SCUBE2: variants seen among roughly 807,000 people sequenced by gnomAD.
SCUBE2 encodes signal peptide, CUB domain and EGF like domain containing 2, also known as signal peptide, CUB and EGF-like domain-containing protein 2.
A neutral mutation model predicts 125.9 loss-of-function variants in SCUBE2; 114 were observed. The ratio of observed to expected loss-of-function variants is 0.91; its 90% CI spans 0.78 to 1.06. The LOEUF (loss-of-function observed/expected upper bound fraction) is 1.06, where lower values mean the gene tolerates loss of function less well. Among genes scored for constraint, SCUBE2 ranks in the 50% least tolerant of loss-of-function variants. The pLI, the probability that SCUBE2 is intolerant of heterozygous loss-of-function variation, is 0.00. For missense variants in SCUBE2, 1,255 were observed against 1,301.8 expected (o/e 0.96, Z 0.55); for synonymous variants, 459 against 492.9 (o/e 0.93, Z 0.91).
intron 2 of SCUBE2, among the ~76,000 whole-genome samples, chr11:9,085,417 T>A (rs115935685): frequency 0.035 from 5,330 of 152,256 alleles, 318 homozygotes; most frequent in African/African-American, 0.12. Flanking sequence ...TATGTCCAAA[T>A]AAAAAGTTTT....
intron 16 of SCUBE2, among the ~76,000 whole-genome samples, chr11:9,037,352 C>A (rs555887930): frequency 2.0e-5 from 3 of 152,144 alleles, no homozygotes; most frequent in Non-Finnish European, 4.4e-5. Flanking sequence ...AAAAAAGATA[C>A]GAGAAAGCTT....
chr11:9,091,413 G>A lies in SCUBE2; in HGVS notation c.116C>T (p.Ala39Val). 4 of 1,314,880 alleles carry A rather than the reference G, an allele frequency of 3.0e-6. No homozygotes were observed. Among genetic ancestry groups the A allele is most frequent in the South Asian group, 2.1e-5 (1 of 47,004 alleles). The allele number at this position is 1,314,880 out of a possible 1,614,324, so 81.5% of individuals were successfully genotyped here. A position where few individuals can be genotyped will look rare whatever the true frequency, so the allele number is the denominator to read the frequency against. ...ACACTCACCCTCCTGCGGCCCCGCG[G>A]CACGGCCCCGACCCGGCGGGACGGC... ...AGAVPPGRGRAAGPQEDVDEC... is the reference protein window; with the variant it reads ...AGAVPPGRGRVAGPQEDVDEC... The change falls in exon 1 of 23, where the codon GCC (alanine) becomes GTC (valine). Residue 39 changes from alanine (A) to valine (V), a missense_variant. Ala to Val is a moderately conservative substitution (Grantham distance 64). This residue lies in a region of SCUBE2 where 362 missense variants were observed against 323.0 expected (regional missense o/e 1.12). Transcript: ENST00000649792. This position sits in a 1 kb window ranked among gnomAD's most constrained non-coding sequence, Gnocchi z 8.5.
chr11:9,052,849 C>A lies in SCUBE2; in HGVS notation c.1448-17G>T. On this transcript the variant is annotated splice_polypyrimidine_tract_variant and intron_variant, in intron 12 of 22. Transcript: ENST00000649792. ...CTTGCAGTCCTGACAGACAGAATGTCAATTGTCAAATGCATAAGCAAGGTC... is the reference window on the plus strand; with the variant it reads ...CTTGCAGTCCTGACAGACAGAATGTAAATTGTCAAATGCATAAGCAAGGTC... The A allele has an allele frequency of 1.3e-6, 2 of 1,526,662 alleles. No individual in the cohort carries two copies. The highest frequency in any genetic ancestry group is 2.4e-5 in the South Asian group (2 of 83,716). 94.6% of individuals were successfully genotyped at this position (1,526,662 alleles called of 1,614,324 possible). A position where few individuals can be genotyped will look rare whatever the true frequency, so the allele number is the denominator to read the frequency against.
chr11:9,021,144 A>G lies in SCUBE2; in HGVS notation c.2988T>C (p.Tyr996=), dbSNP rs970452333. 6.2e-7 allele frequency: 1 copy of G among 1,613,346 alleles called. No homozygotes were observed. Among genetic ancestry groups the G allele is most frequent in the Non-Finnish European group, 8.5e-7 (1 of 1,179,618 alleles). The change falls in exon 23 of 23, where the codon TAT becomes TAC. Residue 996 remains tyrosine, a synonymous_variant. Coordinates refer to ENST00000649792, the MANE Select transcript of SCUBE2 (RefSeq NM_001367977.2). The part of the protein sequence containing the change: ...LFDVLAHPQN[Y]FKYTAQESRE... ...GGGACTCCTGGGCTGTGTACTTGAA[A>G]TAGTTCTGGGGATGGGCCAGGACAT... is the stretch of plus-strand genomic sequence containing the variant.
chr11:9,070,576 C>A (rs978523023), intron 4 of SCUBE2, among the ~76,000 whole-genome samples: 2 of 152,164 alleles, frequency 1.3e-5, no homozygotes, highest in African/African-American at 4.8e-5. Flanking sequence ...GGCTCTCTAT[C>A]AATGAGACAC....
At position 9,091,136 on chromosome 11, in the gene SCUBE2, C is replaced by G. The variant is rs1381397210; in HGVS notation, c.133+260G>C. ...CGCCGGCGACGGTCTGACTAGCAGGCGCTCTGGAGGCATCCGGACCGGGGC... is the reference window on the plus strand; with the variant it reads ...CGCCGGCGACGGTCTGACTAGCAGGGGCTCTGGAGGCATCCGGACCGGGGC... On this transcript the variant is annotated intron_variant, in intron 1 of 22. Transcript: ENST00000649792. The surrounding 1 kb of genome is among the most constrained non-coding windows in gnomAD (Gnocchi z 8.5). Among the ~76,000 whole-genome samples, 1 of 152,184 alleles carries G rather than the reference C, an allele frequency of 6.6e-6. No individual in the cohort carries two copies. Among genetic ancestry groups the G allele is most frequent in the Admixed American group, 6.5e-5 (1 of 15,288 alleles).
intron 16 of SCUBE2, among the ~76,000 whole-genome samples, chr11:9,037,608 G>T (rs1347679240): frequency 1.3e-5 from 2 of 152,228 alleles, no homozygotes; most frequent in Non-Finnish European, 2.9e-5. Flanking sequence ...GGATTCCCAG[G>T]GTGCCCCAGG....
chr11:9,067,703 A>G (rs1860381067), intron 5 of SCUBE2, among the ~76,000 whole-genome samples: 1 of 152,230 alleles, frequency 6.6e-6, no homozygotes, highest in South Asian at 2.1e-4. Context: ...TAAATATGTT[A>G]ATGTTAAAAA....
intron 17 of SCUBE2, 50 bp from the exon 18 acceptor site, chr11:9,030,975 G>T: frequency 6.4e-7 from 1 of 1,555,282 alleles, no homozygotes; most frequent in Non-Finnish European, 8.7e-7. Context: ...GCAGACCCTT[G>T]CTCCCCACTC....
intron 4 of SCUBE2, among the ~76,000 whole-genome samples, chr11:9,070,785 T>C (rs1371986537): frequency 6.6e-6 from 1 of 152,230 alleles, no homozygotes; most frequent in Non-Finnish European, 1.5e-5. Context: ...TACAAACAGA[T>C]GTCATTCCTA....
chr11:9,072,723 C>T (rs1050738795), intron 4 of SCUBE2, among the ~76,000 whole-genome samples: 1 of 152,190 alleles, frequency 6.6e-6, no homozygotes, highest in Non-Finnish European at 1.5e-5. Context: ...TCACAGAGAG[C>T]ACTTCCAGAC....
chr11:9,028,651 T>C (rs1856001486), intron 19 of SCUBE2, among the ~76,000 whole-genome samples: 1 of 152,100 alleles, frequency 6.6e-6, no homozygotes, highest in South Asian at 2.1e-4. Context: ...ACAACTGGGA[T>C]TTATTATTAC....
intron 17 of SCUBE2, among the ~76,000 whole-genome samples, chr11:9,031,863 T>C (rs1284419908): frequency 1.7e-5 from 2 of 120,564 alleles, no homozygotes; most frequent in East Asian, 2.7e-4. Context: ...GGTCTCATTT[T>C]CCCCCATAAG....
chr11:9,088,786 T>C (rs1463297682), intron 2 of SCUBE2, among the ~76,000 whole-genome samples: 1 of 152,154 alleles, frequency 6.6e-6, no homozygotes, highest in African/African-American at 2.4e-5. Context: ...CTATAGACAG[T>C]GGGATTTCTC....
chr11:9,056,863 G>A (rs1192944118), intron 9 of SCUBE2, among the ~76,000 whole-genome samples: 1 of 152,106 alleles, frequency 6.6e-6, no homozygotes, highest in African/African-American at 2.4e-5. Context: ...TTTCAACACC[G>A]AGTGTGCCAT....
intron 2 of SCUBE2, among the ~76,000 whole-genome samples, chr11:9,081,591 G>A (rs1255162018): frequency 2.0e-5 from 3 of 152,066 alleles, no homozygotes; most frequent in Admixed American, 2.0e-4. Flanking sequence ...AGGCTGAGGT[G>A]AGAGGATCGC....
At chr11:9,021,340 T>C in intron 22 of SCUBE2, 143 bp from the exon 23 acceptor site, 1 of 559,450 alleles carries the variant, frequency 1.8e-6, no homozygotes, top group Non-Finnish European at 2.8e-6. Context: ...CTGATTTTTA[T>C]CTTCTTTCCA....
At chr11:9,082,638 C>A (rs776114690) in intron 2 of SCUBE2, among the ~76,000 whole-genome samples, 2 of 152,118 alleles carry the variant, frequency 1.3e-5, no homozygotes, top group Admixed American at 6.6e-5. Flanking sequence ...TACTATTAAA[C>A]GATAAAAATG....
rs1856182197 is a variant in SCUBE2, at chr11:9,030,204, T to C, written c.2342-159A>G. On this transcript the variant is annotated intron_variant, in intron 18 of 22. Transcript: ENST00000649792. ...GCTAATCAACACTTAATTCCCTAAA[T>C]AGGCAGTGTGGATGGGGCTCATGAA... 4 of 730,870 alleles carry C rather than the reference T, an allele frequency of 5.5e-6. No homozygotes were observed. The Admixed American group carries it at 8.5e-5, about 16-fold the overall frequency. The allele number at this position is 730,870 out of a possible 1,614,324, so 45.3% of individuals were successfully genotyped here.
Sources: allele counts gnomAD v4.1 joint callset (sites outside exome capture counted in the v4.1 genomes callset), GRCh38; gene constraint gnomAD v4.1.1; regional missense constraint gnomAD v4.1.1; non-coding constraint Gnocchi (gnomAD v3.1); transcripts MANE v1.5; gene names NCBI Gene and HGNC (gene_info 2026-07-23, HGNC 2026-07-21).